The following DCDC2 variants were observed in gnomAD, a reference collection of about 807,000 sequenced individuals.
DCDC2 encodes doublecortin domain containing 2.
DCDC2 carries 40 observed loss-of-function variants against 50.2 expected under a neutral mutation model. The ratio of observed to expected loss-of-function variants is 0.80; its 90% CI spans 0.62 to 1.04. DCDC2 has a LOEUF of 1.04. Among genes scored for constraint, DCDC2 ranks in the 50% least tolerant of loss-of-function variants. DCDC2 has a pLI of 0.00. For missense variants in DCDC2, 570 were observed against 581.9 expected (o/e 0.98, Z 0.21); for synonymous variants, 234 against 210.6 (o/e 1.11, Z -0.96).
intron 2 of DCDC2, among the ~76,000 whole-genome samples, chr6:24,335,671 A>C (rs929170298): frequency 4.6e-5 from 7 of 152,196 alleles, no homozygotes; most frequent in Non-Finnish European, 2.9e-5. Context: ...TAATTAACTC[A>C]CAGTTCTGCA....
At chr6:24,298,845 G>A (rs1206657115) in intron 4 of DCDC2, among the ~76,000 whole-genome samples, 1 of 152,128 alleles carries the variant, frequency 6.6e-6, no homozygotes, top group East Asian at 1.9e-4. Context: ...GAAGGCAATT[G>A]GCAGTATCTA....
At position 24,246,479 on chromosome 6, in the gene DCDC2, C is replaced by CTTTTT. The variant is rs4052666; in HGVS notation, c.922+31565_922+31569dup. 2.9e-3 allele frequency among the ~76,000 whole-genome samples: 208 copies of CTTTTT among 70,808 alleles called. 5 individuals are homozygous for CTTTTT. Among genetic ancestry groups the CTTTTT allele is most frequent in the African/African-American group, 5.4e-3 (89 of 16,570 alleles). 46.5% of individuals were successfully genotyped at this position (70,808 alleles called of 152,430 possible). A position where few individuals can be genotyped will look rare whatever the true frequency, so the allele number is the denominator to read the frequency against. The stretch of plus-strand genomic sequence containing the variant: ...GATAAAGACAAGTCTTTTTCTTTTT[C>CTTTTT]TTTTTTTTTTTTTTTTTTTTTTTTT... On this transcript the variant is annotated intron_variant, in intron 7 of 9. Transcript: ENST00000378454.
chr6:24,274,404 T>A (rs1250051506), intron 7 of DCDC2, among the ~76,000 whole-genome samples: 2 of 152,022 alleles, frequency 1.3e-5, no homozygotes, highest in Non-Finnish European at 2.9e-5. Flanking sequence ...GTGGAAAGTG[T>A]AACAAAAACA....
At chr6:24,257,752 A>T (rs1367618987) in intron 7 of DCDC2, among the ~76,000 whole-genome samples, 2 of 152,006 alleles carry the variant, frequency 1.3e-5, no homozygotes. Context: ...TCATCAGAAA[A>T]GTTTTGTGTT....
In DCDC2 at chr6:24,357,514, C is replaced by G; in HGVS notation, c.237G>C (p.Gln79His). ...CCACGTAATTGCCCCCGCTCTGGATCTGGTCTAGCTTCCGGATTCGGTGGC... is the reference window on the plus strand; with the variant it reads ...CCACGTAATTGCCCCCGCTCTGGATGTGGTCTAGCTTCCGGATTCGGTGGC... ...RTGHRIRKLDQIQSGGNYVAG... is the reference protein window; with the variant it reads ...RTGHRIRKLDHIQSGGNYVAG... Residue 79 changes from glutamine (Q) to histidine (H), a missense_variant, in exon 1 of 10, where the codon CAG becomes CAC. By Grantham distance (24) the Gln-to-His change is conservative. Coordinates refer to ENST00000378454, the MANE Select transcript of DCDC2 (RefSeq NM_016356.5). The G allele has an allele frequency of 6.2e-7, 1 of 1,613,126 alleles. No homozygotes were observed. The highest frequency in any genetic ancestry group is 8.5e-7 in the Non-Finnish European group (1 of 1,179,704).
intron 4 of DCDC2, among the ~76,000 whole-genome samples, chr6:24,294,637 G>T (rs1327628789): frequency 6.6e-6 from 1 of 152,054 alleles, no homozygotes; most frequent in Admixed American, 6.6e-5. Context: ...CGACAAATGG[G>T]ATGTTACCAC....
chr6:24,291,701 G>A (rs1763756261), intron 4 of DCDC2, among the ~76,000 whole-genome samples: 1 of 151,718 alleles, frequency 6.6e-6, no homozygotes, highest in Admixed American at 6.6e-5. Flanking sequence ...TAGCCGGGAT[G>A]GTCTCGATCT....
At chr6:24,257,204 T>C (rs2113803187) in intron 7 of DCDC2, among the ~76,000 whole-genome samples, 1 of 152,280 alleles carries the variant, frequency 6.6e-6, no homozygotes, top group East Asian at 1.9e-4. Context: ...CAAGTTAACC[T>C]TAAGAAATAT....
chr6:24,185,550 T>C lies in DCDC2; in HGVS notation c.1024-6918A>G, dbSNP rs971610831. Among the ~76,000 whole-genome samples the C allele has an allele frequency of 4.6e-5, 7 of 152,146 alleles. No homozygotes were observed. In the South Asian group the frequency reaches 1.4e-3, roughly 32 times the overall value. ...AAATGCTGCTATGACAGATCTGTAA[T>C]GAATAAATGAAAAGCAATGTGCTTT... On this transcript the variant is annotated intron_variant, in intron 8 of 9. Coordinates refer to ENST00000378454, the MANE Select transcript of DCDC2 (RefSeq NM_016356.5).
intron 7 of DCDC2, among the ~76,000 whole-genome samples, chr6:24,231,464 A>T (rs901789897): frequency 6.6e-6 from 1 of 152,072 alleles, no homozygotes. Flanking sequence ...TCTACATATA[A>T]CAAGTTTGCT....
At chr6:24,242,590 A>G (rs533644332) in intron 7 of DCDC2, among the ~76,000 whole-genome samples, 1 of 152,306 alleles carries the variant, frequency 6.6e-6, no homozygotes, top group South Asian at 2.1e-4. Context: ...AATTCTTCAC[A>G]GGAGACTGAG....
intron 8 of DCDC2, among the ~76,000 whole-genome samples, chr6:24,181,720 T>G (rs1415554052): frequency 6.6e-6 from 1 of 152,226 alleles, no homozygotes; most frequent in Non-Finnish European, 1.5e-5. Flanking sequence ...GTTAATGTAT[T>G]AGAATACTTA....
At chr6:24,229,327 G>C (rs1762292812) in intron 7 of DCDC2, among the ~76,000 whole-genome samples, 1 of 152,146 alleles carries the variant, frequency 6.6e-6, no homozygotes, top group South Asian at 2.1e-4. Context: ...ATGGCTCGTG[G>C]TCGAGTCTTT....
chr6:24,289,653 G>A (rs895983814), intron 5 of DCDC2, among the ~76,000 whole-genome samples: 3 of 152,140 alleles, frequency 2.0e-5, no homozygotes, highest in Admixed American at 1.3e-4. Flanking sequence ...GTTGGTTAGC[G>A]ATAAGTCAGC....
At chr6:24,189,470 C>T (rs1176967330) in intron 8 of DCDC2, among the ~76,000 whole-genome samples, 3 of 152,098 alleles carry the variant, frequency 2.0e-5, no homozygotes, top group Non-Finnish European at 4.4e-5. Context: ...CATATCACAC[C>T]TCTGACAGTA....
At chr6:24,359,799 G>T, upstream of DCDC2, among the ~76,000 whole-genome samples, 1 of 51,400 alleles carries the variant, frequency 1.9e-5, no homozygotes, top group African/African-American at 4.0e-5. Flanking sequence ...ATGAGAAACA[G>T]AGCGAAGACT....
At chr6:24,326,688 T>C (rs1759874720) in intron 2 of DCDC2, among the ~76,000 whole-genome samples, 1 of 148,176 alleles carries the variant, frequency 6.7e-6, no homozygotes, top group South Asian at 2.3e-4. Flanking sequence ...CAAAAATCCG[T>C]CTCTACTAAA....
chr6:24,240,844 T>C (rs982660985), intron 7 of DCDC2, among the ~76,000 whole-genome samples: 21 of 152,308 alleles, frequency 1.4e-4, no homozygotes, highest in African/African-American at 5.1e-4. Context: ...GTGGGGCAAC[T>C]GCGTTTCAAT....
chr6:24,263,220 T>A (rs1763051041), intron 7 of DCDC2, among the ~76,000 whole-genome samples: 1 of 152,106 alleles, frequency 6.6e-6, no homozygotes, highest in South Asian at 2.1e-4. Flanking sequence ...AGACTTAGAT[T>A]ACAACACACA....
Sources: allele counts gnomAD v4.1 joint callset (sites outside exome capture counted in the v4.1 genomes callset), GRCh38; gene constraint gnomAD v4.1.1; transcripts MANE v1.5; gene names NCBI Gene and HGNC (gene_info 2026-07-23, HGNC 2026-07-21).